TMEM132D: variants seen among roughly 807,000 people sequenced by gnomAD.
The protein encoded by TMEM132D is mature OL transmembrane protein.
Under a neutral mutation model 62.3 loss-of-function variants are expected in TMEM132D, and 21 were observed. That is an observed-to-expected ratio of 0.34 (90% confidence interval 0.24 to 0.49). The LOEUF (loss-of-function observed/expected upper bound fraction) is 0.49, where lower values mean the gene tolerates loss of function less well. Ranked by LOEUF, TMEM132D falls within the 20% of genes least tolerant of loss-of-function variation. TMEM132D has a pLI of 0.99. For missense variants in TMEM132D, 1,346 were observed against 1,402.8 expected, an observed-to-expected ratio of 0.96 and a Z score of 0.65; for synonymous variants, 621 against 575.6, an observed-to-expected ratio of 1.08 and a Z score of -1.13.
chr12:129,438,630 T>C (rs1311432742), intron 3 of TMEM132D, among the ~76,000 whole-genome samples: 1 of 152,096 alleles, frequency 6.6e-6, no homozygotes, highest in Non-Finnish European at 1.5e-5. Flanking sequence ...AGGTACTGGC[T>C]TGGAGGGGAC....
At chr12:129,594,593 A>C (rs180937740) in intron 2 of TMEM132D, among the ~76,000 whole-genome samples, 1 of 152,234 alleles carries the variant, frequency 6.6e-6, no homozygotes, top group South Asian at 2.1e-4. Flanking sequence ...GAACACATGC[A>C]TAGTCCAAAA....
At chr12:129,481,763 T>C (rs1170386807) in intron 3 of TMEM132D, among the ~76,000 whole-genome samples, 1 of 152,218 alleles carries the variant, frequency 6.6e-6, no homozygotes, top group African/African-American at 2.4e-5. Flanking sequence ...GCAGTGTTTA[T>C]AAAAATTAAA....
At chr12:129,784,375 G>A (rs1370242357) in intron 1 of TMEM132D, among the ~76,000 whole-genome samples, 1 of 152,122 alleles carries the variant, frequency 6.6e-6, no homozygotes, top group Non-Finnish European at 1.5e-5. Flanking sequence ...AGACGCTAGT[G>A]GAGGTCACCG....
At chr12:129,330,319 T>C (rs1248969759) in intron 4 of TMEM132D, among the ~76,000 whole-genome samples, 4 of 152,178 alleles carry the variant, frequency 2.6e-5, no homozygotes, top group African/African-American at 9.6e-5. Flanking sequence ...TACTGGAGTC[T>C]AGCAGCTTCC....
chr12:129,833,027 C>A (rs564941243), intron 1 of TMEM132D, among the ~76,000 whole-genome samples: 22 of 152,350 alleles, frequency 1.4e-4, no homozygotes, highest in Admixed American at 2.0e-4. Flanking sequence ...ATGCCTCTCG[C>A]AAATTACAAA....
intron 3 of TMEM132D, among the ~76,000 whole-genome samples, chr12:129,523,545 G>C (rs11060393): frequency 0.26 from 39,617 of 152,104 alleles, 5,732 homozygotes; most frequent in East Asian, 0.43. Flanking sequence ...CGGCAGCTCC[G>C]GCTAGCAAAG....
rs1881366696 is a variant in TMEM132D at position 129,700,683 on chromosome 12, C to G, written c.95G>C (p.Gly32Ala). 6.2e-7 allele frequency: 1 copy of G among 1,609,068 alleles called. No homozygotes were observed. Among genetic ancestry groups the G allele is most frequent in the Non-Finnish European group, 8.5e-7 (1 of 1,177,510 alleles). The change falls in exon 2 of 9, where the codon GGG becomes GCG. Residue 32 changes from glycine (G) to alanine (A), a missense_variant. Coordinates refer to ENST00000422113, the MANE Select transcript of TMEM132D (RefSeq NM_133448.3). ...AAACCTCTGGATGCTCTCAAGGATC[C>G]CTCGACCTTCCGTCACTGTGGGGAG... The part of the protein sequence containing the change: ...ALFSKVTEGR[G>A]ILESIQRFSL...
chr12:129,287,628 C>T (rs1036045090), intron 4 of TMEM132D, among the ~76,000 whole-genome samples: 1 of 152,140 alleles, frequency 6.6e-6, no homozygotes, highest in African/African-American at 2.4e-5. Flanking sequence ...CAGACAGCAC[C>T]TGAACCAAAT....
At chr12:129,472,264 T>G (rs1874114422) in intron 3 of TMEM132D, among the ~76,000 whole-genome samples, 1 of 152,166 alleles carries the variant, frequency 6.6e-6, no homozygotes, top group African/African-American at 2.4e-5. Flanking sequence ...GGACTTCAAG[T>G]TGAGTTCATG....
rs2135595152 is a variant in TMEM132D at position 129,260,465 on chromosome 12, A to G, written c.1300-50802T>C. On this transcript the variant is annotated intron_variant, in intron 4 of 8. Transcript: ENST00000422113. ...TAGAAGCTTGTTTTAAAATGTTCAC[A>G]GGAAAATGGCTGTAGCTCAAAGAAG... Among the ~76,000 whole-genome samples, 2 of 152,344 alleles carry G rather than the reference A, an allele frequency of 1.3e-5. 1 individual carries two copies. Among genetic ancestry groups the G allele is most frequent in the South Asian group, 4.1e-4 (2 of 4,830 alleles).
rs1008070589 is a variant in TMEM132D, at chr12:129,422,034, A to G, written c.1116-84217T>C. ...ATCCTTCCCCATCTTCCCTTTTTAA[A>G]ACTATAGTTTCAATTATAAAATTCA... On this transcript the variant is annotated intron_variant, in intron 3 of 8. Transcript: ENST00000422113. Among the ~76,000 whole-genome samples the G allele has an allele frequency of 5.3e-5, 8 of 151,604 alleles. No homozygotes were observed. In the East Asian group the frequency reaches 1.4e-3, roughly 26 times the overall value.
At chr12:129,148,896 C>T (rs1352330611) in intron 5 of TMEM132D, among the ~76,000 whole-genome samples, 3 of 151,164 alleles carry the variant, frequency 2.0e-5, no homozygotes, top group Non-Finnish European at 4.4e-5. Flanking sequence ...GAACATCAGG[C>T]ATCTGCCTAA....
At chr12:129,738,725 C>A (rs539398020) in intron 1 of TMEM132D, among the ~76,000 whole-genome samples, 1 of 152,106 alleles carries the variant, frequency 6.6e-6, no homozygotes, top group South Asian at 2.1e-4. Context: ...TAACAAAAGG[C>A]GGCCCAGGAC....
rs1392559505 is a variant in TMEM132D, at chr12:129,253,277, A to G, written c.1300-43614T>C. Among the ~76,000 whole-genome samples the G allele has an allele frequency of 3.3e-5, 5 of 152,140 alleles. No homozygotes were observed. In the East Asian group the frequency reaches 9.6e-4, roughly 29 times the overall value. Reference sequence around the variant, plus strand: ...GATTCTACATTCCTCAGTATTGCCTAGAAACTACCAGAAAGCCTTGAATCA... The same window carrying G: ...GATTCTACATTCCTCAGTATTGCCTGGAAACTACCAGAAAGCCTTGAATCA... On this transcript the variant is annotated intron_variant, in intron 4 of 8. Transcript: ENST00000422113.
chr12:129,421,009 T>G (rs1872306412), intron 3 of TMEM132D, among the ~76,000 whole-genome samples: 1 of 149,464 alleles, frequency 6.7e-6, no homozygotes, highest in Non-Finnish European at 1.5e-5. Flanking sequence ...TTACCCAGGC[T>G]GGAGTGCAGT....
chr12:129,289,457 T>C (rs1881386839), intron 4 of TMEM132D, among the ~76,000 whole-genome samples: 1 of 147,124 alleles, frequency 6.8e-6, no homozygotes, highest in African/African-American at 2.5e-5. Context: ...GGAAGGAGAA[T>C]CACTTGAACC....
At chr12:129,152,984 T>A (rs1011383410) in intron 5 of TMEM132D, among the ~76,000 whole-genome samples, 13 of 152,306 alleles carry the variant, frequency 8.5e-5, no homozygotes, top group South Asian at 2.1e-4. Flanking sequence ...CGGCACTTCC[T>A]GCCAACTCTT....
intron 1 of TMEM132D, among the ~76,000 whole-genome samples, chr12:129,809,308 A>C (rs1437780064): frequency 1.5e-3 from 3 of 2,036 alleles, no homozygotes; most frequent in African/African-American, 2.0e-3. Flanking sequence ...ACTCCATATC[A>C]AAAAAAAAAA....
At chr12:129,169,203 A>T (rs1275729586) in intron 5 of TMEM132D, among the ~76,000 whole-genome samples, 4 of 151,992 alleles carry the variant, frequency 2.6e-5, no homozygotes, top group Admixed American at 2.6e-4. Context: ...ATTTCTATTA[A>T]GTTATCAGGT....
Sources: allele counts gnomAD v4.1 joint callset (sites outside exome capture counted in the v4.1 genomes callset), GRCh38; gene constraint gnomAD v4.1.1; transcripts MANE v1.5; gene names NCBI Gene and HGNC (gene_info 2026-07-23, HGNC 2026-07-21).